The following UNC79 variants were observed in gnomAD, a reference collection of about 807,000 sequenced individuals.
UNC79 encodes the protein unc-79 subunit of NALCN channel complex.
UNC79 carries 37 observed loss-of-function variants against 283.1 expected under a neutral mutation model. The ratio of observed to expected loss-of-function variants is 0.13; its 90% CI spans 0.10 to 0.17. UNC79 has a LOEUF of 0.17. Ranked by LOEUF, UNC79 falls within the 10% of genes least tolerant of loss-of-function variation. The pLI is 1.00. For synonymous variants in UNC79, 1,107 were observed against 1,200.2 expected (o/e 0.92, Z 1.61); for missense variants, 2,272 against 3,211.1 (o/e 0.71, Z 7.07).
At chr14:93,505,419 A>G (rs2059484329) in intron 7 of UNC79, among the ~76,000 whole-genome samples, 4 of 152,112 alleles carry the variant, frequency 2.6e-5, no homozygotes, top group Non-Finnish European at 2.9e-5. Flanking sequence ...GCATGTCTTT[A>G]TCTCTTCTAA....
chr14:93,350,587 G>A (rs533145429), intron 1 of UNC79, among the ~76,000 whole-genome samples: 1 of 152,282 alleles, frequency 6.6e-6, no homozygotes, highest in African/African-American at 2.4e-5. Flanking sequence ...CATTATAATA[G>A]TCTTTCTAAA....
rs531849776 is a variant in UNC79, at chr14:93,538,289, G to A, written c.1352+71G>A. On this transcript the variant is annotated intron_variant, in intron 12 of 48. Coordinates refer to ENST00000555664, the Ensembl canonical transcript of UNC79. ...CTTTGAGCTAAGCTCCGCACACTGA[G>A]ATGTGCATATTTAATGCAACCTCAA... 9 of 1,407,852 alleles carry A rather than the reference G, an allele frequency of 6.4e-6. No homozygotes were observed. In the East Asian group the frequency reaches 2.3e-4, roughly 36 times the overall value. 87.2% of individuals were successfully genotyped at this position (1,407,852 alleles called of 1,614,324 possible).
At chr14:93,606,117 T>G (rs1262812570) in intron 26 of UNC79, among the ~76,000 whole-genome samples, 1 of 152,226 alleles carries the variant, frequency 6.6e-6, no homozygotes, top group Non-Finnish European at 1.5e-5. Context: ...AGCTTGTCTC[T>G]TTGTCTTAAA....
intron 1 of UNC79, among the ~76,000 whole-genome samples, chr14:93,351,924 A>G (rs1182307665): frequency 6.6e-6 from 1 of 152,204 alleles, no homozygotes; most frequent in Non-Finnish European, 1.5e-5. Context: ...TCTTTATTCA[A>G]GGCCTACCGA....
In UNC79 at chr14:93,688,965, G is replaced by A; in HGVS notation, c.7085+125G>A. ...ATGACAGTGGAATATACTTGGTTAG[G>A]AAGATGGAAATCAGATCCCATCTCC... On this transcript the variant is annotated intron_variant, in intron 44 of 48. Transcript: ENST00000555664. The surrounding 1 kb of genome is among the most constrained non-coding windows in gnomAD (Gnocchi z 4.0). 3.7e-6 allele frequency: 4 copies of A among 1,091,586 alleles called. No homozygotes were observed. Among genetic ancestry groups the A allele is most frequent in the Non-Finnish European group, 5.0e-6 (4 of 803,728 alleles). The allele number at this position is 1,091,586 out of a possible 1,614,324, so 67.6% of individuals were successfully genotyped here.
At chr14:93,575,001 T>A in intron 16 of UNC79, 57 bp from the exon 17 acceptor site, 3 of 1,562,010 alleles carry the variant, frequency 1.9e-6, no homozygotes, top group Non-Finnish European at 2.6e-6. Context: ...AATATAGCTT[T>A]TTTGAGTTTT....
intron 6 of UNC79, among the ~76,000 whole-genome samples, 155 bp from the exon 7 acceptor site, chr14:93,497,002 G>A (rs1012019413): frequency 6.6e-6 from 1 of 152,134 alleles, no homozygotes; most frequent in African/African-American, 2.4e-5. Flanking sequence ...GTTTTGACGT[G>A]ATCTAATCTA....
At chr14:93,618,419 C>G in intron 29 of UNC79, 65 bp downstream of exon 30, 1 of 1,430,932 alleles carries the variant, frequency 7.0e-7, no homozygotes, top group South Asian at 1.6e-5. Flanking sequence ...ACAATGTTTT[C>G]TTAGGAGATA....
At chr14:93,519,034 ATAGGT>A (rs2060200297) in intron 7 of UNC79, among the ~76,000 whole-genome samples, 1 of 151,938 alleles carries the variant, frequency 6.6e-6, no homozygotes, top group Admixed American at 6.6e-5. Context: ...ACATTATAAA[ATAGGT>A]TAAGTTGTTT....
intron 14 of UNC79, among the ~76,000 whole-genome samples, chr14:93,554,579 A>G (rs1483464475): frequency 6.6e-6 from 1 of 152,162 alleles, no homozygotes; most frequent in Non-Finnish European, 1.5e-5. Context: ...TGCTCCAGGA[A>G]AACCCTATTA....
At chr14:93,704,501 C>G (rs2075738205) in intron 47 of UNC79, 124 bp from the exon 51 acceptor site, 1 of 1,103,486 alleles carries the variant, frequency 9.1e-7, no homozygotes, top group Non-Finnish European at 1.4e-6. Context: ...AGCCCTGCAG[C>G]AGGGCCCACA....
At chr14:93,705,733 G>A (rs1455843334) in intron 48 of UNC79, among the ~76,000 whole-genome samples, 1 of 152,214 alleles carries the variant, frequency 6.6e-6, no homozygotes, top group Non-Finnish European at 1.5e-5. Context: ...CCAGCTGCCT[G>A]CTCCATCCAA....
chr14:93,577,891 G>A, exon 18 of UNC79: 1 of 1,614,202 alleles, frequency 6.2e-7, no homozygotes. Flanking sequence ...AATATGCTTA[G>A]TCCATTTCAT....
chr14:93,566,264 A>G (rs1229651004), intron 14 of UNC79, among the ~76,000 whole-genome samples: 1 of 152,154 alleles, frequency 6.6e-6, no homozygotes, highest in African/African-American at 2.4e-5. Context: ...TGTAATGGAA[A>G]TTGACATGGG....
At chr14:93,637,056 A>G (rs2068568324) in intron 31 of UNC79, 160 bp from the exon 35 acceptor site, 1 of 664,284 alleles carries the variant, frequency 1.5e-6, no homozygotes, top group Non-Finnish European at 2.7e-6. Context: ...AGCCCCAAAT[A>G]ACCCTACCCT....
chr14:93,552,681 T>C lies in UNC79; in HGVS notation c.1755+9985T>C, dbSNP rs186099834. ...TTATTTGCGTGAAGTGCAGCAAGAA[T>C]AATTATTTGCCATATAAACTTTTTT... On this transcript the variant is annotated intron_variant, in intron 14 of 48. Transcript: ENST00000555664. Among the ~76,000 whole-genome samples the C allele has an allele frequency of 3.6e-3, 552 of 152,228 alleles. 4 individuals carry two copies. Among genetic ancestry groups the C allele is most frequent in the African/African-American group, 0.013 (531 of 41,480 alleles).
At chr14:93,363,942 G>A (rs184239353) in intron 1 of UNC79, among the ~76,000 whole-genome samples, 68 of 152,020 alleles carry the variant, frequency 4.5e-4, no homozygotes, top group Admixed American at 2.5e-3. Context: ...GGATGGTCTC[G>A]ATCTTCTGAC....
At chr14:93,697,085 CTA>C (rs2075188169) in intron 47 of UNC79, among the ~76,000 whole-genome samples, 1 of 152,084 alleles carries the variant, frequency 6.6e-6, no homozygotes, top group African/African-American at 2.4e-5. Context: ...CTATACAATT[CTA>C]TTTCTGACTT....
At chr14:93,532,826 T>A (rs1446385579) in intron 11 of UNC79, among the ~76,000 whole-genome samples, 2 of 152,220 alleles carry the variant, frequency 1.3e-5, no homozygotes, top group Non-Finnish European at 1.5e-5. Flanking sequence ...AATAAAAGCC[T>A]ATGTGTAATT....
Sources: gnomAD v4.1 joint callset for allele counts (sites outside exome capture counted in the v4.1 genomes callset) on GRCh38, gnomAD v4.1.1 for gene constraint, Gnocchi (gnomAD v3.1) non-coding constraint, MANE v1.5 for transcripts, NCBI Gene and HGNC (gene_info 2026-07-23, HGNC 2026-07-21) for gene names.